Variants in IL19 observed in about 807,000 individuals in gnomAD.
IL19 encodes the protein interleukin 19, also known as interleukin-19.
In IL19, 15 loss-of-function variants were observed where a neutral mutation model predicts 19.5. The ratio of observed to expected loss-of-function variants is 0.77; its 90% confidence interval spans 0.52 to 1.19. The LOEUF is 1.19. Among genes scored for constraint, IL19 ranks in the 50% most tolerant of loss-of-function variants. The pLI is 0.00. For missense variants in IL19, 199 were observed against 213.1 expected (o/e 0.93, Z 0.41); for synonymous variants, 78 against 78.3 (o/e 1.00, Z 0.02).
chr1:206,798,823 C>G lies in IL19; in HGVS notation c.-148-38C>G, dbSNP rs894582322. On this transcript the variant is annotated intron_variant, in intron 1 of 6. Transcript: ENST00000659997. ...ACCAGAAGGAGGGAGCTGAGTGTAC[C>G]TTTTTGTAATGATGACTCTCTATGA... 4.3e-6 allele frequency: 5 copies of G among 1,175,782 alleles called. No homozygotes were observed. In the African/African-American group the frequency reaches 7.6e-5, roughly 18 times the overall value. The allele number at this position is 1,175,782 out of a possible 1,614,324, so 72.8% of individuals were successfully genotyped here.
At chr1:206,840,636 C>A in intron 5 of IL19, 1 of 210,388 alleles carries the variant, frequency 4.8e-6, no homozygotes, top group South Asian at 9.3e-5. Context: ...TTCACCTAAC[C>A]AGTTGTTTAA....
At chr1:206,780,640 T>C (rs1438315570) in intron 1 of IL19, among the ~76,000 whole-genome samples, 1 of 152,244 alleles carries the variant, frequency 6.6e-6, no homozygotes, top group Non-Finnish European at 1.5e-5. Context: ...TCTTATCAAA[T>C]TCACGTGTCT....
intron 1 of IL19, among the ~76,000 whole-genome samples, chr1:206,790,346 A>T (rs1333134590): frequency 6.6e-6 from 1 of 152,108 alleles, no homozygotes; most frequent in African/African-American, 2.4e-5. Flanking sequence ...CCCAGAAAAA[A>T]AACTGAGCCC....
chr1:206,782,021 A>AGTTATATGTATAT (rs1431435679), intron 1 of IL19, among the ~76,000 whole-genome samples: 2 of 46,080 alleles, frequency 4.3e-5, no homozygotes, highest in Non-Finnish European at 1.1e-4. Context: ...ATATGTATAT[A>AGTTATATGTATAT]GTTATATATA....
At chr1:206,777,230 CAAA>C (rs750939092) in intron 1 of IL19, among the ~76,000 whole-genome samples, 2 of 6,132 alleles carry the variant, frequency 3.3e-4, no homozygotes, top group African/African-American at 1.1e-3. Context: ...GACTCCGTCT[CAAA>C]AAAAAAAAAA....
At chr1:206,830,920 G>A (rs187799447) in intron 2 of IL19, among the ~76,000 whole-genome samples, 2 of 152,160 alleles carry the variant, frequency 1.3e-5, no homozygotes, top group South Asian at 2.1e-4. Context: ...ATACTTCTTC[G>A]TGTTTTATAG....
chr1:206,783,191 A>G (rs1675187298), intron 1 of IL19, among the ~76,000 whole-genome samples: 1 of 152,118 alleles, frequency 6.6e-6, no homozygotes, highest in Non-Finnish European at 1.5e-5. Flanking sequence ...TGATTGTGGG[A>G]GACCATCTAT....
chr1:206,825,149 G>A (rs1676397594), intron 2 of IL19, among the ~76,000 whole-genome samples: 2 of 152,206 alleles, frequency 1.3e-5, no homozygotes, highest in East Asian at 1.9e-4. Context: ...TTGCATATGT[G>A]TACATTTTTG....
intron 1 of IL19, chr1:206,771,540 T>A: frequency 1.3e-6 from 1 of 776,360 alleles, no homozygotes; most frequent in Non-Finnish European, 2.2e-6. Flanking sequence ...CCCAAAAAAA[T>A]CAAAAGGGGA....
chr1:206,805,916 T>C (rs982873180), intron 2 of IL19, among the ~76,000 whole-genome samples: 1 of 152,216 alleles, frequency 6.6e-6, no homozygotes, highest in African/African-American at 2.4e-5. Context: ...CTTAATGAAG[T>C]CCAAGGGTTC....
chr1:206,834,345 T>A (rs1404892654), intron 2 of IL19: 1 of 985,502 alleles, frequency 1.0e-6, no homozygotes, highest in Non-Finnish European at 1.2e-6. Flanking sequence ...CCTTTCCAAA[T>A]GGCAGAGAGC....
intron 1 of IL19, among the ~76,000 whole-genome samples, chr1:206,771,980 C>T (rs1334351704): frequency 1.3e-5 from 2 of 152,202 alleles, no homozygotes; most frequent in Non-Finnish European, 2.9e-5. Flanking sequence ...CTTTACTTCT[C>T]CTAGCCAATA....
At chr1:206,772,700 A>C (rs925219813) in intron 1 of IL19, among the ~76,000 whole-genome samples, 2 of 152,150 alleles carry the variant, frequency 1.3e-5, no homozygotes, top group Non-Finnish European at 2.9e-5. Flanking sequence ...CATTACAGCT[A>C]TTTTTAGGAT....
At chr1:206,827,611 AC>A (rs1287072524) in intron 2 of IL19, among the ~76,000 whole-genome samples, 4 of 149,548 alleles carry the variant, frequency 2.7e-5, no homozygotes, top group Non-Finnish European at 4.4e-5. Flanking sequence ...AATGGCATGA[AC>A]CCCGGGGGGC....
intron 2 of IL19, among the ~76,000 whole-genome samples, chr1:206,835,598 C>T (rs920873496): frequency 6.6e-6 from 1 of 152,134 alleles, no homozygotes; most frequent in African/African-American, 2.4e-5. Flanking sequence ...CAGCTGGCTC[C>T]CTGTGTCTTA....
intron 1 of IL19, among the ~76,000 whole-genome samples, chr1:206,776,900 T>C (rs1296143527): frequency 1.6e-5 from 2 of 126,816 alleles, no homozygotes; most frequent in African/African-American, 6.4e-5. Flanking sequence ...GTATTAAATC[T>C]TGCAACTACA....
At chr1:206,824,566 CAT>C (rs1238468188) in intron 2 of IL19, among the ~76,000 whole-genome samples, 3 of 152,132 alleles carry the variant, frequency 2.0e-5, no homozygotes, top group Non-Finnish European at 2.9e-5. Flanking sequence ...TCATTTGCCA[CAT>C]GTTATAGATG....
chr1:206,836,536 T>A (rs1676798951), intron 2 of IL19, 125 bp from the exon 3 acceptor site: 1 of 840,086 alleles, frequency 1.2e-6, no homozygotes, highest in Non-Finnish European at 1.9e-6. Context: ...CTGAAGTGTT[T>A]AGTGTTGTTT....
intron 1 of IL19, among the ~76,000 whole-genome samples, chr1:206,796,461 A>G (rs555588669): frequency 3.3e-5 from 5 of 152,128 alleles, no homozygotes; most frequent in South Asian, 2.1e-4. Flanking sequence ...TTCACTTACC[A>G]TTGTTTTTCC....
Sources: gnomAD v4.1 joint callset for allele counts (sites outside exome capture counted in the v4.1 genomes callset) on GRCh38, gnomAD v4.1.1 for gene constraint, MANE v1.5 for transcripts, NCBI Gene and HGNC (gene_info 2026-07-23, HGNC 2026-07-21) for gene names.